DGKH: variants seen among roughly 807,000 people sequenced by gnomAD.
The protein encoded by DGKH is DAG kinase eta.
Under a neutral mutation model 159.3 loss-of-function variants are expected in DGKH, and 90 were observed. The ratio of observed to expected loss-of-function variants is 0.57; its 90% CI spans 0.48 to 0.67. DGKH has a LOEUF of 0.67. Among genes scored for constraint, DGKH ranks in the 30% least tolerant of loss-of-function variants. The pLI is 0.00. For synonymous variants in DGKH, 536 were observed against 553.8 expected (o/e 0.97, Z 0.45); for missense variants, 1,181 against 1,506.1 (o/e 0.78, Z 3.57).
At chr13:42,200,601 G>A (rs2138156876) in intron 20 of DGKH, among the ~76,000 whole-genome samples, 1 of 152,184 alleles carries the variant, frequency 6.6e-6, no homozygotes, top group South Asian at 2.1e-4. Flanking sequence ...TTTAATTAAA[G>A]CATATCATAC....
chr13:42,239,602 A>T lies in DGKH; in HGVS notation c.*10414A>T, dbSNP rs563313283. ...TTGCTGCCTTTCAGGCCTTCATCAT[A>T]CAAACCCTCACCATTTTTCACTCCT... On this transcript the variant is annotated 3_prime_UTR_variant, in exon 30 of 30. Coordinates refer to ENST00000337343, the MANE Select transcript of DGKH (RefSeq NM_178009.5). 1 of 152,642 alleles carries T rather than the reference A, an allele frequency of 6.6e-6. No individual in the cohort carries two copies. Among genetic ancestry groups the T allele is most frequent in the East Asian group, 1.9e-4 (1 of 5,188 alleles). 9.5% of individuals were successfully genotyped at this position (152,642 alleles called of 1,614,324 possible).
intron 23 of DGKH, among the ~76,000 whole-genome samples, chr13:42,209,806 A>G (rs1026969833): frequency 6.6e-6 from 1 of 152,138 alleles, no homozygotes; most frequent in Non-Finnish European, 1.5e-5. Context: ...ATACTGATTG[A>G]TTATTATTAA....
intron 1 of DGKH, among the ~76,000 whole-genome samples, chr13:42,099,111 C>T (rs1415103960): frequency 3.9e-5 from 6 of 152,184 alleles, no homozygotes; most frequent in Non-Finnish European, 8.8e-5. Flanking sequence ...GACTCCTCAT[C>T]TTCTCGCCCA....
At chr13:42,225,480 T>C (rs1341276468) in intron 29 of DGKH, 1 of 801,544 alleles carries the variant, frequency 1.2e-6, no homozygotes, top group Non-Finnish European at 1.8e-6. Context: ...AAGCTACTCA[T>C]ATGATAAAAA....
exon 1 of DGKH, chr13:42,040,109 T>A (rs1880380245): frequency 6.6e-6 from 1 of 152,346 alleles, no homozygotes. Context: ...CGGCTGAGTT[T>A]TCGCTCCGCT....
intron 9 of DGKH, among the ~76,000 whole-genome samples, chr13:42,166,887 T>C (rs1484657074): frequency 6.6e-6 from 1 of 152,180 alleles, no homozygotes; most frequent in Non-Finnish European, 1.5e-5. Flanking sequence ...GTTTAGAAAA[T>C]GTTTTAGAAT....
chr13:42,155,379 C>G lies in DGKH; in HGVS notation c.473C>G (p.Thr158Ser), dbSNP rs1956017377. The change falls in exon 4 of 30, where the codon ACC becomes AGC. Residue 158 changes from threonine (T) to serine (S), a missense_variant. Thr to Ser is a moderately conservative substitution (Grantham distance 58, BLOSUM62 1). Coordinates refer to ENST00000337343, the MANE Select transcript of DGKH (RefSeq NM_178009.5). ...DWISSLKSVQ[T>S]REPYEVAQFN... Reference sequence around the variant, plus strand: ...ATCAGCTCACTGAAGTCTGTACAGACCAGAGAACCCTACGAGGTAAAATAG... The same window carrying G: ...ATCAGCTCACTGAAGTCTGTACAGAGCAGAGAACCCTACGAGGTAAAATAG... 1.2e-6 allele frequency: 2 copies of G among 1,609,648 alleles called. No individual in the cohort carries two copies. Among genetic ancestry groups the G allele is most frequent in the Non-Finnish European group, 1.7e-6 (2 of 1,178,932 alleles).
intron 1 of DGKH, among the ~76,000 whole-genome samples, chr13:42,119,827 A>G (rs1955034470): frequency 6.6e-6 from 1 of 152,174 alleles, no homozygotes; most frequent in African/African-American, 2.4e-5. Context: ...CATCAAGTTA[A>G]TGATTATTTA....
chr13:42,119,109 C>T (rs1458781466), intron 1 of DGKH, among the ~76,000 whole-genome samples: 1 of 152,144 alleles, frequency 6.6e-6, no homozygotes, highest in Non-Finnish European at 1.5e-5. Context: ...TATGGGCTGC[C>T]TACCTTGGGT....
In DGKH at chr13:42,229,435, A is replaced by G. The variant is rs980766226; in HGVS notation, c.*247A>G. ...ACCTGACATGTTCAAATATATTCAC[A>G]ATGGTAATAAGGTAGGAGGAATCTG... On this transcript the variant is annotated 3_prime_UTR_variant, in exon 30 of 30. Transcript: ENST00000337343. 3 of 401,602 alleles carry G rather than the reference A, an allele frequency of 7.5e-6. No homozygotes were observed. The highest frequency in any genetic ancestry group is 6.5e-5 in the African/African-American group (3 of 46,462). The allele number at this position is 401,602 out of a possible 1,614,324, so 24.9% of individuals were successfully genotyped here.
At chr13:42,040,615 A>G (rs1439305668) in intron 1 of DGKH, among the ~76,000 whole-genome samples, 5 of 148,654 alleles carry the variant, frequency 3.4e-5, no homozygotes, top group Admixed American at 1.3e-4. Flanking sequence ...CGGGGAGCGG[A>G]CCGCTCGGAG....
chr13:42,079,796 T>C (rs1733986275), intron 1 of DGKH, among the ~76,000 whole-genome samples: 1 of 152,242 alleles, frequency 6.6e-6, no homozygotes, highest in South Asian at 2.1e-4. Context: ...TTTACCACAG[T>C]TTGTGCACTT....
intron 26 of DGKH, 55 bp downstream of exon 26, chr13:42,215,722 T>A (rs1212635057): frequency 1.4e-6 from 2 of 1,468,082 alleles, no homozygotes; most frequent in Non-Finnish European, 1.9e-6. Flanking sequence ...GTCTGGGTCT[T>A]ACCTTCATTG....
At chr13:42,094,112 C>T (rs1157724048) in intron 1 of DGKH, among the ~76,000 whole-genome samples, 1 of 98,842 alleles carries the variant, frequency 1.0e-5, no homozygotes, top group Admixed American at 1.5e-4. Context: ...ACACTGGGGC[C>T]TGTTGTGGGT....
intron 1 of DGKH, among the ~76,000 whole-genome samples, chr13:42,054,104 A>G (rs374932523): frequency 4.6e-5 from 7 of 152,358 alleles, no homozygotes; most frequent in African/African-American, 1.2e-4. Context: ...TTAAAACATT[A>G]TCTTTCATCA....
intron 1 of DGKH, among the ~76,000 whole-genome samples, chr13:42,083,582 T>A (rs1296296815): frequency 1.3e-5 from 2 of 152,168 alleles, no homozygotes; most frequent in African/African-American, 4.8e-5. Flanking sequence ...TTCCCTGCCC[T>A]GGGGTATAGC....
intron 3 of DGKH, among the ~76,000 whole-genome samples, chr13:42,145,457 C>T (rs892035416): frequency 6.6e-6 from 1 of 152,058 alleles, no homozygotes; most frequent in African/African-American, 2.4e-5. Context: ...GAGGGTTGGC[C>T]AGCTGTCAGG....
rs1038570124 is a variant in DGKH, at chr13:42,229,663, A to G, written c.*475A>G. The G allele has an allele frequency of 6.5e-6, 1 of 153,986 alleles. No individual in the cohort carries two copies. Among genetic ancestry groups the G allele is most frequent in the Non-Finnish European group, 1.4e-5 (1 of 69,330 alleles). 9.5% of individuals were successfully genotyped at this position (153,986 alleles called of 1,614,324 possible). A position where few individuals can be genotyped will look rare whatever the true frequency, so the allele number is the denominator to read the frequency against. ...AAATTAAGTTGTGATTTGAATGTAGATTGGTATCACCTCCAACTCCTAGTG... is the reference window on the plus strand; with the variant it reads ...AAATTAAGTTGTGATTTGAATGTAGGTTGGTATCACCTCCAACTCCTAGTG... On this transcript the variant is annotated 3_prime_UTR_variant, in exon 30 of 30. Coordinates refer to ENST00000337343, the MANE Select transcript of DGKH (RefSeq NM_178009.5).
chr13:42,072,112 T>A (rs1284719373), intron 1 of DGKH, among the ~76,000 whole-genome samples: 1 of 152,236 alleles, frequency 6.6e-6, no homozygotes, highest in East Asian at 1.9e-4. Flanking sequence ...GAAAAAACTT[T>A]TGTTAGGTCA....
Sources: gnomAD v4.1 joint callset for allele counts (sites outside exome capture counted in the v4.1 genomes callset) on GRCh38, gnomAD v4.1.1 for gene constraint, MANE v1.5 for transcripts, NCBI Gene and HGNC (gene_info 2026-07-23, HGNC 2026-07-21) for gene names.